Variants in RNF125 observed in about 807,000 individuals in gnomAD.
RNF125 encodes the protein ring finger protein 125, also known as E3 ubiquitin-protein ligase RNF125.
RNF125 carries 21 observed loss-of-function variants against 26.0 expected under a neutral mutation model. The observed-to-expected ratio is 0.81, with a 90% CI of 0.57 to 1.16. RNF125 has a LOEUF of 1.16. Among genes scored for constraint, RNF125 ranks in the 50% most tolerant of loss-of-function variants. The pLI is 0.00. For synonymous variants in RNF125, 95 were observed against 109.2 expected (o/e 0.87, Z 0.81); for missense variants, 270 against 299.4 (o/e 0.90, Z 0.72).
At chr18:32,063,086 G>A (rs1466893134) in intron 4 of RNF125, among the ~76,000 whole-genome samples, 2 of 151,980 alleles carry the variant, frequency 1.3e-5, no homozygotes, top group African/African-American at 2.4e-5. Context: ...TGGGCATGGT[G>A]GTGGGCGCCT....
chr18:32,037,180 G>A lies in RNF125; in HGVS notation c.229G>A (p.Ala77Thr), dbSNP rs374070532. ...CAAGTGGACCTGTCCTTATTGCCGG[G>A]CATATCTTCCTTCAGAAGGAGTTCC... ...NNKWTCPYCR[A>T]YLPSEGVPAT... Residue 77 changes from alanine to threonine, a missense_variant, in exon 2 of 6, where the codon GCA becomes ACA. Transcript: ENST00000217740. 43 of 1,605,704 alleles carry A rather than the reference G, an allele frequency of 2.7e-5. No individual in the cohort carries two copies. The highest frequency in any genetic ancestry group is 3.4e-5 in the Non-Finnish European group (40 of 1,177,102).
At chr18:32,073,505 A>G (rs2039550053), downstream of RNF125, among the ~76,000 whole-genome samples, 1 of 152,214 alleles carries the variant, frequency 6.6e-6, no homozygotes, top group Non-Finnish European at 1.5e-5. Flanking sequence ...CAAAATGGCA[A>G]TAGTGCCTAG....
downstream of RNF125, among the ~76,000 whole-genome samples, chr18:32,073,680 C>A (rs1409246007): frequency 6.6e-6 from 1 of 152,146 alleles, no homozygotes; most frequent in Non-Finnish European, 1.5e-5. Flanking sequence ...TCATGCGTAC[C>A]CATATGTCAT....
intron 1 of RNF125, among the ~76,000 whole-genome samples, chr18:32,035,968 C>T (rs1283328466): frequency 6.6e-6 from 1 of 152,024 alleles, no homozygotes; most frequent in Non-Finnish European, 1.5e-5. Flanking sequence ...GCCTGACCAA[C>T]ATGGTGAAAC....
At chr18:32,035,998 C>CA (rs1351102736) in intron 1 of RNF125, among the ~76,000 whole-genome samples, 4 of 151,934 alleles carry the variant, frequency 2.6e-5, no homozygotes, top group African/African-American at 4.8e-5. Context: ...ACTAAAAACA[C>CA]AAAAAATTGG....
At chr18:32,034,552 T>TC in intron 1 of RNF125, among the ~76,000 whole-genome samples, 1 of 152,098 alleles carries the variant, frequency 6.6e-6, no homozygotes, top group Non-Finnish European at 1.5e-5. Flanking sequence ...TTAAATGAAT[T>TC]AAGGTATATG....
the RNF125 span, among the ~76,000 whole-genome samples, chr18:32,080,093 A>C: frequency 6.6e-6 from 1 of 152,110 alleles, no homozygotes; most frequent in African/African-American, 2.4e-5. Flanking sequence ...CAGTGGTGCA[A>C]TCTCGGCTCA....
chr18:32,038,552 C>T (rs923889854), intron 2 of RNF125, among the ~76,000 whole-genome samples: 12 of 152,046 alleles, frequency 7.9e-5, no homozygotes, highest in Admixed American at 6.6e-4. Flanking sequence ...AACCCAGTGA[C>T]ATATTTCCAC....
chr18:32,048,001 G>A (rs1052243549), intron 4 of RNF125, among the ~76,000 whole-genome samples: 4 of 152,020 alleles, frequency 2.6e-5, no homozygotes, highest in South Asian at 2.1e-4. Context: ...GGTGGCATGC[G>A]CCTTTAGTCC....
chr18:32,021,004 C>T (rs2038981091), intron 1 of RNF125, among the ~76,000 whole-genome samples: 2 of 152,184 alleles, frequency 1.3e-5, no homozygotes, highest in African/African-American at 4.8e-5. Flanking sequence ...CACTACTGCC[C>T]GTCTGTGAGC....
chr18:32,066,244 G>A (rs1424183896), intron 5 of RNF125: 1 of 267,766 alleles, frequency 3.7e-6, no homozygotes, highest in Non-Finnish European at 7.3e-6. Context: ...GAGGTCAGGA[G>A]TTCAAGACCA....
At chr18:32,054,583 G>A (rs1022290885) in intron 4 of RNF125, among the ~76,000 whole-genome samples, 1 of 152,188 alleles carries the variant, frequency 6.6e-6, no homozygotes, top group Non-Finnish European at 1.5e-5. Context: ...GGGAAGGAAA[G>A]TTATATCATT....
chr18:32,025,264 G>T (rs545923863), intron 1 of RNF125, among the ~76,000 whole-genome samples: 184 of 152,226 alleles, frequency 1.2e-3, no homozygotes, highest in Middle Eastern at 3.4e-3. Context: ...GCACACACCA[G>T]TATCCAAAAG....
In RNF125 at chr18:32,069,075, T is replaced by TGC; in HGVS notation, c.*691_*692insGC. 6.6e-6 allele frequency: 1 copy of TGC among 151,812 alleles called. No individual in the cohort carries two copies. The highest frequency in any genetic ancestry group is 3.4e-3 in the Middle Eastern group (1 of 296). 9.4% of individuals were successfully genotyped at this position (151,812 alleles called of 1,614,324 possible). A position where few individuals can be genotyped will look rare whatever the true frequency, so the allele number is the denominator to read the frequency against. Reference sequence around the variant, plus strand: ...AATTAGCTGGACGTGTTGGCGGGCATCTGTAATACCAGCTACTTGGGAGGC... The same window carrying TGC: ...AATTAGCTGGACGTGTTGGCGGGCATGCCTGTAATACCAGCTACTTGGGAGGC... On this transcript the variant is annotated 3_prime_UTR_variant, in exon 6 of 6. Transcript: ENST00000217740.
downstream of RNF125, among the ~76,000 whole-genome samples, chr18:32,074,635 C>A (rs139551257): frequency 9.7e-3 from 1,484 of 152,222 alleles, 24 homozygotes; most frequent in African/African-American, 0.034. Context: ...CTCCACCTCC[C>A]AGGTTCAAGC....
the RNF125 span, among the ~76,000 whole-genome samples, chr18:32,078,575 C>T: frequency 8.6e-5 from 13 of 151,812 alleles, no homozygotes; most frequent in African/African-American, 2.4e-4. Context: ...AGGAGTTCAA[C>T]GCTGCAATGA....
rs117686225 is a variant in RNF125 at position 32,049,010 on chromosome 18, T to C, written c.504+3278T>C. ...CAGGGTGCTGCTTTGGCTGGAAGAA[T>C]GCCAGGCCCTCTGGACTGTGGTCCT... On this transcript the variant is annotated intron_variant, in intron 4 of 5. Transcript: ENST00000217740. 8.5e-5 allele frequency among the ~76,000 whole-genome samples: 13 copies of C among 152,344 alleles called. No individual in the cohort carries two copies. The East Asian group carries it at 2.3e-3, about 27-fold the overall frequency.
At chr18:32,021,287 A>G (rs2038984401) in intron 1 of RNF125, among the ~76,000 whole-genome samples, 1 of 152,308 alleles carries the variant, frequency 6.6e-6, no homozygotes. Context: ...TCACCGTGTT[A>G]GCCAGGATGG....
chr18:32,037,499 A>C (rs1421497254), intron 2 of RNF125, among the ~76,000 whole-genome samples: 2 of 149,780 alleles, frequency 1.3e-5, no homozygotes, highest in Non-Finnish European at 2.9e-5. Context: ...CAGCTTCTCG[A>C]GTAGCTGGGT....
Sources: allele counts gnomAD v4.1 joint callset (sites outside exome capture counted in the v4.1 genomes callset), GRCh38; gene constraint gnomAD v4.1.1; transcripts MANE v1.5; gene names NCBI Gene and HGNC (gene_info 2026-07-23, HGNC 2026-07-21).